Variants in AGAP1 observed in about 807,000 individuals in gnomAD.
AGAP1 encodes ArfGAP with GTPase domain, ankyrin repeat and PH domain 1.
In AGAP1, 29 loss-of-function variants were observed where a neutral mutation model predicts 105.3. The observed-to-expected ratio is 0.28, with a 90% CI of 0.21 to 0.38. The LOEUF is 0.38. Ranked by LOEUF, AGAP1 falls within the 10% of genes least tolerant of loss-of-function variation. The probability of loss-of-function intolerance (pLI) is 1.00; values close to 1 mark genes in which losing one functional copy is unlikely to be tolerated. For synonymous variants in AGAP1, 509 were observed against 485.9 expected (o/e 1.05, Z -0.63); for missense variants, 998 against 1,165.1 (o/e 0.86, Z 2.09).
chr2:235,758,137 C>T (rs1316993910), intron 6 of AGAP1, among the ~76,000 whole-genome samples: 1 of 150,366 alleles, frequency 6.7e-6, no homozygotes, highest in Non-Finnish European at 1.5e-5. Flanking sequence ...TGTGTGTGTG[C>T]ATGCGTGCAT....
intron 9 of AGAP1, among the ~76,000 whole-genome samples, chr2:235,818,016 C>T (rs1958558124): frequency 6.6e-6 from 1 of 152,220 alleles, no homozygotes; most frequent in African/African-American, 2.4e-5. Context: ...ATACTATTAA[C>T]ATCTTAGGGC....
rs1953419385 is a variant in AGAP1, at chr2:235,751,348, C to G, written c.673+860C>G. On this transcript the variant is annotated intron_variant, in intron 6 of 17. Coordinates refer to ENST00000304032, the MANE Select transcript of AGAP1 (RefSeq NM_001037131.3). This position sits in a 1 kb window ranked among gnomAD's most constrained non-coding sequence, Gnocchi z 5.3. ...GGAAGTCACTTGTAGGGTCCTCTCC[C>G]CTTCTGGTTTAAATCCATGGGGGCA... Among the ~76,000 whole-genome samples the G allele has an allele frequency of 6.6e-6, 1 of 152,100 alleles. No individual in the cohort carries two copies. The highest frequency in any genetic ancestry group is 6.5e-5 in the Admixed American group (1 of 15,278).
rs1411892621 is a variant in AGAP1 at position 236,051,469 on chromosome 2, G to T, written c.2114+2188G>T. On this transcript the variant is annotated intron_variant, in intron 16 of 17. Transcript: ENST00000304032. The surrounding 1 kb of genome is among the most constrained non-coding windows in gnomAD (Gnocchi z 5.9). ...TCTGAGCTGGACTCTGAAATAGGGG[G>T]TGATTCCCAGGGCCAGGGCCAGGGG... Among the ~76,000 whole-genome samples the T allele has an allele frequency of 6.6e-6, 1 of 152,132 alleles. No homozygotes were observed. The highest frequency in any genetic ancestry group is 1.5e-5 in the Non-Finnish European group (1 of 68,022).
intron 6 of AGAP1, among the ~76,000 whole-genome samples, chr2:235,764,368 G>A (rs1463410848): frequency 1.3e-5 from 2 of 150,960 alleles, no homozygotes; most frequent in Non-Finnish European, 3.0e-5. Flanking sequence ...GCCCCTCCCC[G>A]TTGCCCATGT....
At position 236,055,768 on chromosome 2, in the gene AGAP1, G is replaced by A. The variant is rs1183423274; in HGVS notation, c.2114+6487G>A. Among the ~76,000 whole-genome samples the A allele has an allele frequency of 6.6e-6, 1 of 152,228 alleles. No homozygotes were observed. Among genetic ancestry groups the A allele is most frequent in the Non-Finnish European group, 1.5e-5 (1 of 68,042 alleles). ...TATGCAAACGCAACAGCTGCTCAGGGACCTCAGCCCTTACTTAAGATATTT... is the reference window on the plus strand; with the variant it reads ...TATGCAAACGCAACAGCTGCTCAGGAACCTCAGCCCTTACTTAAGATATTT... On this transcript the variant is annotated intron_variant, in intron 16 of 17. Coordinates refer to ENST00000304032, the MANE Select transcript of AGAP1 (RefSeq NM_001037131.3). This position sits in a 1 kb window ranked among gnomAD's most constrained non-coding sequence, Gnocchi z 6.2.
Position 235,989,891 on chromosome 2 carries a change from A to G in AGAP1, c.1645+21268A>G, listed in dbSNP as rs1489491008. On this transcript the variant is annotated intron_variant, in intron 13 of 17. Transcript: ENST00000304032. This position sits in a 1 kb window ranked among gnomAD's most constrained non-coding sequence, Gnocchi z 4.4. ...GCCCACAGGAGAAGAGATGAAAGAG[A>G]GGGGAGGGGCTGGCCAGTCAGCAAT... is the stretch of plus-strand genomic sequence containing the variant. Among the ~76,000 whole-genome samples, 1 of 152,000 alleles carries G rather than the reference A, an allele frequency of 6.6e-6. No homozygotes were observed. The highest frequency in any genetic ancestry group is 1.5e-5 in the Non-Finnish European group (1 of 68,008).
Position 236,087,720 on chromosome 2 carries a change from A to G in AGAP1, c.2115-32472A>G, listed in dbSNP as rs1232592207. Among the ~76,000 whole-genome samples, 1 of 152,212 alleles carries G rather than the reference A, an allele frequency of 6.6e-6. No individual in the cohort carries two copies. The highest frequency in any genetic ancestry group is 2.4e-5 in the African/African-American group (1 of 41,456). On this transcript the variant is annotated intron_variant, in intron 16 of 17. Coordinates refer to ENST00000304032, the MANE Select transcript of AGAP1 (RefSeq NM_001037131.3). The surrounding 1 kb of genome is among the most constrained non-coding windows in gnomAD (Gnocchi z 5.7). ...AAGTGGCCTTATTGGTTAAGTGACA[A>G]CCGGGGACATACCCATTTTCTTTGT...
In AGAP1 at chr2:236,126,127, G is replaced by A. The variant is rs1028850599; in HGVS notation, c.*2005G>A. Reference sequence around the variant, plus strand: ...TTTCATGGAAATTTCTAATCTTAACGAAGCTAAGTGGAGCTCACTCGTATC... The same window carrying A: ...TTTCATGGAAATTTCTAATCTTAACAAAGCTAAGTGGAGCTCACTCGTATC... On this transcript the variant is annotated 3_prime_UTR_variant, in exon 18 of 18. Coordinates refer to ENST00000304032, the MANE Select transcript of AGAP1 (RefSeq NM_001037131.3). 1.3e-5 allele frequency: 2 copies of A among 152,094 alleles called. No homozygotes were observed. The highest frequency in any genetic ancestry group is 6.6e-5 in the Admixed American group (1 of 15,264). The allele number at this position is 152,094 out of a possible 1,614,324, so 9.4% of individuals were successfully genotyped here. A position where few individuals can be genotyped will look rare whatever the true frequency, so the allele number is the denominator to read the frequency against.
At position 235,769,942 on chromosome 2, in the gene AGAP1, T is replaced by C. The variant is rs1368722711; in HGVS notation, c.673+19454T>C. On this transcript the variant is annotated intron_variant, in intron 6 of 17. Transcript: ENST00000304032. This position sits in a 1 kb window ranked among gnomAD's most constrained non-coding sequence, Gnocchi z 4.4. ...GTATTTCTATTAAGATACACACTTATGTATGTTTCATATATTAGCAAGTGT... is the reference window on the plus strand; with the variant it reads ...GTATTTCTATTAAGATACACACTTACGTATGTTTCATATATTAGCAAGTGT... Among the ~76,000 whole-genome samples the C allele has an allele frequency of 2.6e-5, 4 of 152,234 alleles. No homozygotes were observed. The highest frequency in any genetic ancestry group is 2.1e-4 in the South Asian group (1 of 4,834).
Position 235,728,822 on chromosome 2 carries a change from C to T in AGAP1, c.310+11178C>T, listed in dbSNP as rs1428635824. Among the ~76,000 whole-genome samples, 1 of 152,130 alleles carries T rather than the reference C, an allele frequency of 6.6e-6. No individual in the cohort carries two copies. Among genetic ancestry groups the T allele is most frequent in the Non-Finnish European group, 1.5e-5 (1 of 68,044 alleles). On this transcript the variant is annotated intron_variant, in intron 3 of 17. Coordinates refer to ENST00000304032, the MANE Select transcript of AGAP1 (RefSeq NM_001037131.3). The surrounding 1 kb of genome is among the most constrained non-coding windows in gnomAD (Gnocchi z 4.3). ...GGGAGGAGGGGAAGCCAGCCTGCAG[C>T]ATTGCCCTCTAGACACTAAGAAGAA... is the stretch of plus-strand genomic sequence containing the variant.
chr2:235,813,183 G>A (rs1195191026), intron 9 of AGAP1, among the ~76,000 whole-genome samples: 2 of 152,134 alleles, frequency 1.3e-5, no homozygotes, highest in South Asian at 2.1e-4. Context: ...CTACATCCCC[G>A]CCCTTTTGGC....
In AGAP1 at chr2:235,908,971, A is replaced by C. The variant is rs1457939514; in HGVS notation, c.1324+65A>C. The C allele has an allele frequency of 1.5e-5, 22 of 1,514,530 alleles. No homozygotes were observed. The highest frequency in any genetic ancestry group is 8.2e-5 in the African/African-American group (6 of 72,904). The allele number at this position is 1,514,530 out of a possible 1,614,324, so 93.8% of individuals were successfully genotyped here. A position where few individuals can be genotyped will look rare whatever the true frequency, so the allele number is the denominator to read the frequency against. On this transcript the variant is annotated intron_variant, in intron 11 of 17. Transcript: ENST00000304032. The surrounding 1 kb of genome is among the most constrained non-coding windows in gnomAD (Gnocchi z 4.4). ...AGCAACAGGTGGTCCAGGCTCGAGG[A>C]TAATGTTGGACTCCTAGGTTAAGTG...
rs569677631 is a variant in AGAP1 at position 235,779,333 on chromosome 2, G to A, written c.674-18426G>A. On this transcript the variant is annotated intron_variant, in intron 6 of 17. Coordinates refer to ENST00000304032, the MANE Select transcript of AGAP1 (RefSeq NM_001037131.3). Reference sequence around the variant, plus strand: ...TTAGCTCTGCTTTTAAGACTGTGTTGGGTTTGACTTTTTTTGAGGGGCCTC... The same window carrying A: ...TTAGCTCTGCTTTTAAGACTGTGTTAGGTTTGACTTTTTTTGAGGGGCCTC... 3.2e-3 allele frequency among the ~76,000 whole-genome samples: 490 copies of A among 152,276 alleles called. 2 individuals are homozygous for A. The highest frequency in any genetic ancestry group is 5.6e-3 in the Non-Finnish European group (380 of 68,022).
At chr2:235,779,728 A>G (rs539969099) in intron 6 of AGAP1, among the ~76,000 whole-genome samples, 7 of 152,352 alleles carry the variant, frequency 4.6e-5, no homozygotes, top group Non-Finnish European at 2.9e-5. Flanking sequence ...GGTGAAAACC[A>G]GTTAATGTGC....
intron 11 of AGAP1, among the ~76,000 whole-genome samples, chr2:235,910,453 T>A (rs2051548780): frequency 2.0e-5 from 3 of 152,228 alleles, no homozygotes; most frequent in Admixed American, 2.0e-4. Context: ...TATGACCTGC[T>A]GACCTTTCTT....
rs1387509057 is a variant in AGAP1 at position 235,967,397 on chromosome 2, T to G, written c.1484-1065T>G. Among the ~76,000 whole-genome samples the G allele has an allele frequency of 2.0e-5, 3 of 152,040 alleles. No homozygotes were observed. The highest frequency in any genetic ancestry group is 6.6e-5 in the Admixed American group (1 of 15,206). ...GTTCCTATTCGGTCTTTCCCATAAC[T>G]CTTACCAGCTTCTGATGGACTCCAG... On this transcript the variant is annotated intron_variant, in intron 12 of 17. Transcript: ENST00000304032. This position sits in a 1 kb window ranked among gnomAD's most constrained non-coding sequence, Gnocchi z 4.7.
At chr2:235,800,301 G>T (rs919600163) in intron 8 of AGAP1, among the ~76,000 whole-genome samples, 2 of 150,026 alleles carry the variant, frequency 1.3e-5, no homozygotes, top group African/African-American at 4.9e-5. Context: ...GGGTCTTACT[G>T]TGTTGCCTAG....
chr2:236,092,605 G>T lies in AGAP1; in HGVS notation c.2115-27587G>T, dbSNP rs1378221308. Among the ~76,000 whole-genome samples the T allele has an allele frequency of 6.6e-6, 1 of 152,136 alleles. No homozygotes were observed. Among genetic ancestry groups the T allele is most frequent in the Non-Finnish European group, 1.5e-5 (1 of 68,036 alleles). On this transcript the variant is annotated intron_variant, in intron 16 of 17. Coordinates refer to ENST00000304032, the MANE Select transcript of AGAP1 (RefSeq NM_001037131.3). This position sits in a 1 kb window ranked among gnomAD's most constrained non-coding sequence, Gnocchi z 4.7. ...GACGGGGTTTCACCGTGTTAGCCAG[G>T]ATGGTCTCGATCTCCTGACCTCATG...
rs551206312 is a variant in AGAP1 at position 235,712,677 on chromosome 2, G to A, written c.222+3440G>A. ...TGAAGGGCCGAGTATGGGTTCCAAC[G>A]CACTTCATGTGCCTGCACAGACGGT... On this transcript the variant is annotated intron_variant, in intron 2 of 17. Transcript: ENST00000304032. The surrounding 1 kb of genome is among the most constrained non-coding windows in gnomAD (Gnocchi z 6.0). 3.9e-5 allele frequency among the ~76,000 whole-genome samples: 6 copies of A among 152,306 alleles called. No individual in the cohort carries two copies. Among genetic ancestry groups the A allele is most frequent in the South Asian group, 2.1e-4 (1 of 4,830 alleles).
Sources: gnomAD v4.1 joint callset for allele counts (sites outside exome capture counted in the v4.1 genomes callset) on GRCh38, gnomAD v4.1.1 for gene constraint, Gnocchi (gnomAD v3.1) non-coding constraint, MANE v1.5 for transcripts, NCBI Gene and HGNC (gene_info 2026-07-23, HGNC 2026-07-21) for gene names.